The following TC2N variants were observed in gnomAD, a reference collection of about 807,000 sequenced individuals.
TC2N encodes the protein tandem C2 domains nuclear protein.
TC2N carries 51 observed loss-of-function variants against 61.9 expected under a neutral mutation model. The observed-to-expected ratio is 0.82, with a 90% CI of 0.66 to 1.04. The LOEUF (loss-of-function observed/expected upper bound fraction) is 1.04. TC2N is among the 50% of genes least tolerant of loss of function. The pLI, the probability that TC2N is intolerant of heterozygous loss-of-function variation, is 0.00. For missense variants in TC2N, 556 were observed against 566.7 expected, an observed-to-expected ratio of 0.98 and a Z score of 0.19; for synonymous variants, 204 against 192.6, an observed-to-expected ratio of 1.06 and a Z score of -0.49.
At chr14:91,805,641 G>T (rs899897268) in intron 3 of TC2N, among the ~76,000 whole-genome samples, 1 of 151,972 alleles carries the variant, frequency 6.6e-6, no homozygotes, top group African/African-American at 2.4e-5. Flanking sequence ...CTCCAGCTTG[G>T]TGACAGACTG....
intron 1 of TC2N, among the ~76,000 whole-genome samples, chr14:91,825,314 G>T (rs1043989304): frequency 1.3e-5 from 2 of 152,054 alleles, no homozygotes; most frequent in Non-Finnish European, 2.9e-5. Context: ...TTACAGGTGT[G>T]AGCCACCGCG....
chr14:91,851,517 C>T (rs897719312), intron 1 of TC2N, among the ~76,000 whole-genome samples: 2 of 152,090 alleles, frequency 1.3e-5, no homozygotes, highest in Non-Finnish European at 2.9e-5. Flanking sequence ...ATGCTGTTGC[C>T]GTAGCGTCGG....
At chr14:91,814,639 A>G (rs1886931934) in intron 1 of TC2N, among the ~76,000 whole-genome samples, 1 of 151,678 alleles carries the variant, frequency 6.6e-6, no homozygotes, top group Non-Finnish European at 1.5e-5. Context: ...ACATTCAAAG[A>G]AACAGTGAAA....
chr14:91,802,564 A>G, intron 3 of TC2N, 143 bp from the exon 4 acceptor site: 1 of 709,542 alleles, frequency 1.4e-6, no homozygotes, highest in Non-Finnish European at 2.3e-6. Flanking sequence ...AAAGATCAGC[A>G]CATATTTAGG....
intron 8 of TC2N, among the ~76,000 whole-genome samples, chr14:91,794,455 T>C (rs958415434): frequency 1.3e-5 from 2 of 152,154 alleles, no homozygotes; most frequent in African/African-American, 4.8e-5. Flanking sequence ...CTGACTCTCT[T>C]GTTAGGGGCT....
At chr14:91,844,407 C>A (rs978452261) in intron 1 of TC2N, among the ~76,000 whole-genome samples, 1 of 152,132 alleles carries the variant, frequency 6.6e-6, no homozygotes. Context: ...CCCACAGACT[C>A]ACACACCCCA....
At chr14:91,843,128 G>A (rs1198718925) in intron 1 of TC2N, among the ~76,000 whole-genome samples, 1 of 152,150 alleles carries the variant, frequency 6.6e-6, no homozygotes, top group Non-Finnish European at 1.5e-5. Context: ...CTGCTCCAAG[G>A]AGGGTAAGAC....
At chr14:91,785,432 C>T (rs1885319307) in intron 10 of TC2N, 71 bp from the exon 11 acceptor site, 1 of 1,092,976 alleles carries the variant, frequency 9.1e-7, no homozygotes, top group Admixed American at 2.1e-5. Context: ...ATATACACAT[C>T]CAAGTTGGAA....
At chr14:91,866,903 T>C (rs1283562174) in intron 1 of TC2N, among the ~76,000 whole-genome samples, 2 of 152,194 alleles carry the variant, frequency 1.3e-5, no homozygotes, top group African/African-American at 2.4e-5. Context: ...TCCCAAATGT[T>C]TGGAGCTTGA....
At chr14:91,793,176 C>A (rs1353948698) in intron 8 of TC2N, among the ~76,000 whole-genome samples, 4 of 152,164 alleles carry the variant, frequency 2.6e-5, no homozygotes, top group Admixed American at 2.6e-4. Context: ...GTCAGCAAGT[C>A]ACTGTTTTCT....
At chr14:91,833,709 G>A (rs1887887549) in intron 1 of TC2N, among the ~76,000 whole-genome samples, 1 of 151,880 alleles carries the variant, frequency 6.6e-6, no homozygotes, top group African/African-American at 2.4e-5. Flanking sequence ...TATATGTTTG[G>A]GCATAGCTTA....
Position 91,825,026 on chromosome 14 carries a change from C to CT in TC2N, c.-56-11202dup, listed in dbSNP as rs5810554. On this transcript the variant is annotated intron_variant, in intron 1 of 11. Transcript: ENST00000435962. ...ATCCTTGTAATTTTCTTTTTCTTTT[C>CT]TTTTTTTTTTTTTTTTTTTTTTTTT... is the stretch of plus-strand genomic sequence containing the variant. Among the ~76,000 whole-genome samples, 446 of 66,876 alleles carry CT rather than the reference C, an allele frequency of 6.7e-3. 26 individuals are homozygous for CT. Among genetic ancestry groups the CT allele is most frequent in the Non-Finnish European group, 8.8e-3 (341 of 38,778 alleles). The allele number at this position is 66,876 out of a possible 152,430, so 43.9% of individuals were successfully genotyped here.
At chr14:91,812,024 G>A (rs1463408311) in intron 3 of TC2N, 2 of 177,138 alleles carry the variant, frequency 1.1e-5, no homozygotes, top group Non-Finnish European at 2.3e-5. Context: ...TATTTTTGAG[G>A]TGCAGTTGGT....
chr14:91,811,348 C>A (rs567794343), intron 3 of TC2N, among the ~76,000 whole-genome samples: 8 of 151,644 alleles, frequency 5.3e-5, no homozygotes, highest in Non-Finnish European at 7.4e-5. Flanking sequence ...ACATACAGGT[C>A]TTCACTATTA....
intron 9 of TC2N, 23 bp downstream of exon 9, chr14:91,792,344 C>T (rs1420881595): frequency 6.7e-7 from 1 of 1,493,950 alleles, no homozygotes; most frequent in African/African-American, 1.4e-5. Flanking sequence ...ATGAAATACT[C>T]TTAACATACT....
chr14:91,810,562 C>G (rs1886718179), intron 3 of TC2N, among the ~76,000 whole-genome samples: 1 of 151,680 alleles, frequency 6.6e-6, no homozygotes, highest in Non-Finnish European at 1.5e-5. Context: ...GATCTATTTT[C>G]AAGAAAAAAG....
chr14:91,823,261 C>G (rs530401102), intron 1 of TC2N, among the ~76,000 whole-genome samples: 95 of 152,048 alleles, frequency 6.2e-4, no homozygotes, highest in Non-Finnish European at 1.2e-3. Flanking sequence ...TGGCTCATGC[C>G]TGTAGTCCCA....
intron 1 of TC2N, among the ~76,000 whole-genome samples, chr14:91,814,390 A>G (rs1243998973): frequency 6.6e-6 from 1 of 151,022 alleles, no homozygotes; most frequent in Non-Finnish European, 1.5e-5. Context: ...AAACCTAGAA[A>G]TAGAGAGTGG....
chr14:91,831,146 T>C lies in TC2N; in HGVS notation c.-56-17321A>G, dbSNP rs541423745. 5.3e-5 allele frequency among the ~76,000 whole-genome samples: 8 copies of C among 152,340 alleles called. No homozygotes were observed. The South Asian group carries it at 1.2e-3, about 24-fold the overall frequency. On this transcript the variant is annotated intron_variant, in intron 1 of 11. Transcript: ENST00000435962. ...TTAGATTTTGGCATGTTAATTCCTA[T>C]CTTTTGAATTGTTTTTTTAAATACA... is the stretch of plus-strand genomic sequence containing the variant.
Sources: allele counts gnomAD v4.1 joint callset (sites outside exome capture counted in the v4.1 genomes callset), GRCh38; gene constraint gnomAD v4.1.1; transcripts MANE v1.5; gene names NCBI Gene and HGNC (gene_info 2026-07-23, HGNC 2026-07-21).